Variants in UTRN observed in about 807,000 individuals in gnomAD.
UTRN encodes dystrophin-related protein 1.
Under a neutral mutation model 463.9 loss-of-function variants are expected in UTRN, and 283 were observed. That is an observed-to-expected ratio of 0.61 (90% CI 0.55 to 0.67). UTRN has a LOEUF of 0.67. UTRN is among the 30% of genes least tolerant of loss of function. The pLI, the probability that UTRN is intolerant of heterozygous loss-of-function variation, is 0.00. For synonymous variants in UTRN, 1,442 were observed against 1,431.5 expected, an observed-to-expected ratio of 1.01 and a Z score of -0.17; for missense variants, 3,922 against 4,084.3, an observed-to-expected ratio of 0.96 and a Z score of 1.08.
At chr6:144,446,398 T>G (rs986704586) in intron 14 of UTRN, among the ~76,000 whole-genome samples, 21 of 152,234 alleles carry the variant, frequency 1.4e-4, no homozygotes, top group Admixed American at 1.2e-3. Flanking sequence ...GAATAGTTGT[T>G]AAATATTTAA....
intron 54 of UTRN, among the ~76,000 whole-genome samples, chr6:144,746,280 G>A (rs1275497786): frequency 1.3e-5 from 2 of 151,938 alleles, no homozygotes; most frequent in East Asian, 3.9e-4. Flanking sequence ...AGGAATTACA[G>A]GCGTGAGCTA....
chr6:144,415,357 A>G (rs534884722), intron 3 of UTRN, among the ~76,000 whole-genome samples: 148 of 152,302 alleles, frequency 9.7e-4, no homozygotes, highest in Middle Eastern at 6.8e-3. Context: ...ATACTGTATG[A>G]CAGAAAGTAG....
At chr6:144,293,510 A>G (rs1162480850) in intron 2 of UTRN, among the ~76,000 whole-genome samples, 4 of 152,206 alleles carry the variant, frequency 2.6e-5, no homozygotes, top group Non-Finnish European at 5.9e-5. Context: ...TAACACATGC[A>G]TATCAATTAA....
At chr6:144,712,021 CTAAAG>C (rs532259074) in intron 53 of UTRN, among the ~76,000 whole-genome samples, 65 of 152,140 alleles carry the variant, frequency 4.3e-4, no homozygotes, top group African/African-American at 1.4e-3. Flanking sequence ...TTTTTCCCTA[CTAAAG>C]TAATCGGAGA....
intron 65 of UTRN, among the ~76,000 whole-genome samples, chr6:144,803,872 G>T (rs1777915342): frequency 6.6e-6 from 1 of 151,868 alleles, no homozygotes; most frequent in Admixed American, 6.6e-5. Flanking sequence ...ATGAATATGG[G>T]TATTTTTTAT....
chr6:144,435,918 T>G lies in UTRN; in HGVS notation c.856-17T>G, dbSNP rs1288424691. On this transcript the variant is annotated splice_polypyrimidine_tract_variant and intron_variant, in intron 9 of 74. Transcript: ENST00000367545. ...TTTGATGATTAGTGTGGGTTTTTCT[T>G]GGCTTTGTTTTTACAGAGTACAGCG... is the stretch of plus-strand genomic sequence containing the variant. 6.2e-7 allele frequency: 1 copy of G among 1,612,214 alleles called. No individual in the cohort carries two copies. Among genetic ancestry groups the G allele is most frequent in the East Asian group, 2.2e-5 (1 of 44,866 alleles).
intron 52 of UTRN, among the ~76,000 whole-genome samples, chr6:144,699,434 T>G (rs1784338757): frequency 8.1e-6 from 1 of 123,426 alleles, no homozygotes; most frequent in Non-Finnish European, 1.6e-5. Context: ...AGCAATACTC[T>G]GTCTCAAAAA....
chr6:144,814,865 G>A (rs1024078817), intron 65 of UTRN, among the ~76,000 whole-genome samples: 1 of 152,148 alleles, frequency 6.6e-6, no homozygotes, highest in East Asian at 1.9e-4. Flanking sequence ...GAAAAAAGGA[G>A]ATAGAGGTGT....
intron 53 of UTRN, among the ~76,000 whole-genome samples, chr6:144,701,931 G>A (rs1007360759): frequency 2.0e-5 from 3 of 152,084 alleles, no homozygotes; most frequent in Non-Finnish European, 4.4e-5. Flanking sequence ...CACTGTTGAT[G>A]TATGATATGC....
intron 2 of UTRN, among the ~76,000 whole-genome samples, chr6:144,352,362 C>T (rs1014173769): frequency 5.9e-5 from 9 of 152,110 alleles, no homozygotes; most frequent in Non-Finnish European, 1.2e-4. Flanking sequence ...TATATTTTAC[C>T]TTTGCCCATG....
At chr6:144,602,744 A>G (rs1400893731) in intron 51 of UTRN, among the ~76,000 whole-genome samples, 1 of 152,124 alleles carries the variant, frequency 6.6e-6, no homozygotes, top group Non-Finnish European at 1.5e-5. Context: ...TTCAGTGCAG[A>G]CTCCATACAG....
chr6:144,785,467 A>C (rs1451296420), intron 61 of UTRN, among the ~76,000 whole-genome samples: 1 of 152,210 alleles, frequency 6.6e-6, no homozygotes, highest in Non-Finnish European at 1.5e-5. Context: ...TAATTAAAGA[A>C]CTAGTGTTCA....
intron 54 of UTRN, among the ~76,000 whole-genome samples, chr6:144,732,214 T>TTATATATATATATATATATATGTA (rs1788612855): frequency 4.3e-5 from 4 of 92,296 alleles, no homozygotes; most frequent in African/African-American, 1.8e-4. Flanking sequence ...GTACTCTGTT[T>TTATATATATATATATATATATGTA]TATATATATA....
chr6:144,510,693 C>G (rs1051562927), intron 34 of UTRN, among the ~76,000 whole-genome samples: 21 of 152,070 alleles, frequency 1.4e-4, no homozygotes, highest in African/African-American at 1.9e-4. Context: ...GAAATAATTG[C>G]TTTCCCACAG....
intron 28 of UTRN, among the ~76,000 whole-genome samples, chr6:144,486,468 A>G (rs941062514): frequency 2.0e-5 from 3 of 152,212 alleles, no homozygotes; most frequent in African/African-American, 4.8e-5. Context: ...TCTTTTATGT[A>G]TGCATACTAG....
rs765767207 is a variant in UTRN at position 144,451,491 on chromosome 6, A to G, written c.2194A>G (p.Lys732Glu). The G allele has an allele frequency of 1.7e-5, 27 of 1,609,702 alleles. No homozygotes were observed. Among genetic ancestry groups the G allele is most frequent in the Non-Finnish European group, 2.2e-5 (26 of 1,178,824 alleles). ...QDTSEMKKKLKALEKEQRERI... is the reference protein window; with the variant it reads ...QDTSEMKKKLEALEKEQRERI... ...CACTTCCGAAATGAAAAAGAAGTTG[A>G]AGGTAAAAAACATAAACCACATATA... Residue 732 changes from lysine to glutamate, a missense_variant and splice_region_variant, in exon 18 of 75, where the codon AAG (lysine) becomes GAG (glutamate). Lys to Glu is a moderately conservative substitution (Grantham distance 56). Coordinates refer to ENST00000367545, the MANE Select transcript of UTRN (RefSeq NM_007124.3).
chr6:144,457,859 T>A (rs1228737817), intron 19 of UTRN, among the ~76,000 whole-genome samples: 1 of 152,202 alleles, frequency 6.6e-6, no homozygotes, highest in Non-Finnish European at 1.5e-5. Context: ...CAGGATTGTT[T>A]TATTGCTTTC....
At chr6:144,635,521 T>TTC (rs773877645) in intron 51 of UTRN, among the ~76,000 whole-genome samples, 4,864 of 78,602 alleles carry the variant, frequency 0.062, 146 homozygotes, top group Non-Finnish European at 0.09. Context: ...TTTCTTTTTT[T>TTC]TTTTTTTTCT....
chr6:144,405,833 G>T (rs1051631224), intron 3 of UTRN, among the ~76,000 whole-genome samples: 1 of 152,286 alleles, frequency 6.6e-6, no homozygotes, highest in Non-Finnish European at 1.5e-5. Context: ...AGAGTGACAC[G>T]TCTCTTTTCC....
Sources: gnomAD v4.1 joint callset for allele counts (sites outside exome capture counted in the v4.1 genomes callset) on GRCh38, gnomAD v4.1.1 for gene constraint, MANE v1.5 for transcripts, NCBI Gene and HGNC (gene_info 2026-07-23, HGNC 2026-07-21) for gene names.